The following ERCC8 variants were observed in gnomAD, a reference collection of about 807,000 sequenced individuals.
The protein encoded by ERCC8 is ERCC excision repair 8, CSA ubiquitin ligase complex subunit, also known as DNA excision repair protein ERCC-8.
ERCC8 carries 52 observed loss-of-function variants against 54.9 expected under a neutral mutation model. The observed-to-expected ratio is 0.95, with a 90% CI of 0.76 to 1.19. The LOEUF (loss-of-function observed/expected upper bound fraction) is 1.19. Among genes scored for constraint, ERCC8 ranks in the 50% most tolerant of loss-of-function variants. ERCC8 has a pLI of 0.00. For synonymous variants in ERCC8, 146 were observed against 157.2 expected, an observed-to-expected ratio of 0.93 and a Z score of 0.53; for missense variants, 514 against 466.1, an observed-to-expected ratio of 1.10 and a Z score of -0.95.
intron 1 of ERCC8, among the ~76,000 whole-genome samples, chr5:60,931,291 T>C (rs1749902484): frequency 1.3e-5 from 2 of 152,268 alleles, no homozygotes; most frequent in South Asian, 2.1e-4. Context: ...GCATTTGAAC[T>C]TTAACATTAA....
rs976084541 is a variant in ERCC8, at chr5:60,870,587, G to C, written c.*4028C>G. ...TGAGGCAGGAAAATTGCTTGAACCTGGGAAGCGGAGGTTGCAGTGAGCTGA... is the reference window on the plus strand; with the variant it reads ...TGAGGCAGGAAAATTGCTTGAACCTCGGAAGCGGAGGTTGCAGTGAGCTGA... On this transcript the variant is annotated 3_prime_UTR_variant, in exon 12 of 12. Transcript: ENST00000676185. 3.5e-4 allele frequency among the ~76,000 whole-genome samples: 53 copies of C among 151,164 alleles called. No homozygotes were observed. Among genetic ancestry groups the C allele is most frequent in the Admixed American group, 2.1e-3 (32 of 15,120 alleles).
chr5:60,913,143 A>T (rs549336841), intron 4 of ERCC8, among the ~76,000 whole-genome samples: 88 of 152,078 alleles, frequency 5.8e-4, no homozygotes, highest in African/African-American at 2.0e-3. Flanking sequence ...TTTTCTATTG[A>T]TTGGAATAGT....
chr5:60,914,780 CTT>C (rs1024422351), intron 4 of ERCC8, among the ~76,000 whole-genome samples: 11 of 114,832 alleles, frequency 9.6e-5, no homozygotes, highest in Non-Finnish European at 1.2e-4. Context: ...GGGCAAGACT[CTT>C]GTCTCTTAAA....
chr5:60,883,210 C>T (rs1022999823), intron 11 of ERCC8, among the ~76,000 whole-genome samples: 6 of 152,170 alleles, frequency 3.9e-5, no homozygotes, highest in Non-Finnish European at 8.8e-5. Context: ...AATTATTTCA[C>T]TTTTCAGTGA....
intron 9 of ERCC8, chr5:60,893,343 T>C (rs993918702): frequency 1.5e-5 from 13 of 849,290 alleles, no homozygotes; most frequent in Non-Finnish European, 2.7e-5. Flanking sequence ...TCACAGTAGC[T>C]CTTGATAGAC....
At chr5:60,940,329 G>C (rs1326922661) in intron 1 of ERCC8, among the ~76,000 whole-genome samples, 1 of 152,210 alleles carries the variant, frequency 6.6e-6, no homozygotes. Context: ...CTCTGAGGAA[G>C]GGAAATTGTT....
chr5:60,940,379 A>G (rs158937), intron 1 of ERCC8, among the ~76,000 whole-genome samples: 132,938 of 152,190 alleles, frequency 0.87, 58,350 homozygotes, highest in East Asian at 0.95. Flanking sequence ...GAGGGTAGGG[A>G]CAATCCCTGT....
chr5:60,916,531 G>T (rs1425550656), intron 4 of ERCC8, among the ~76,000 whole-genome samples: 1 of 151,960 alleles, frequency 6.6e-6, no homozygotes, highest in African/African-American at 2.4e-5. Flanking sequence ...TTGGCTACAA[G>T]ATATTCCATT....
intron 11 of ERCC8, among the ~76,000 whole-genome samples, chr5:60,886,075 T>TAC (rs1748383069): frequency 6.6e-6 from 1 of 151,976 alleles, no homozygotes; most frequent in Non-Finnish European, 1.5e-5. Flanking sequence ...TGTATATATA[T>TAC]ACAAACATTG....
chr5:60,921,797 T>C (rs1349683558), intron 3 of ERCC8, among the ~76,000 whole-genome samples: 1 of 151,858 alleles, frequency 6.6e-6, no homozygotes, highest in Non-Finnish European at 1.5e-5. Flanking sequence ...AAGAAGGACA[T>C]AATCACAAGT....
rs1747825942 is a variant in ERCC8 at position 60,869,860 on chromosome 5, G to T, written c.*4755C>A. On this transcript the variant is annotated 3_prime_UTR_variant, in exon 12 of 12. Coordinates refer to ENST00000676185, the MANE Select transcript of ERCC8 (RefSeq NM_000082.4). ...ATGGCCTAAGTATTCTTTGAAATAT[G>T]GCAGAATATAAGTACCTTAGGTGAC... Among the ~76,000 whole-genome samples the T allele has an allele frequency of 6.6e-6, 1 of 152,068 alleles. No individual in the cohort carries two copies. Among genetic ancestry groups the T allele is most frequent in the Admixed American group, 6.6e-5 (1 of 15,252 alleles).
chr5:60,903,999 T>C (rs1179653345), intron 5 of ERCC8, among the ~76,000 whole-genome samples: 1 of 152,100 alleles, frequency 6.6e-6, no homozygotes, highest in Non-Finnish European at 1.5e-5. Flanking sequence ...GAGAACCGTG[T>C]ACCCTTCACT....
At position 60,904,893 on chromosome 5, in the gene ERCC8, TA is replaced by T; in HGVS notation, c.400-21del. 1 of 1,184,694 alleles carries T rather than the reference TA, an allele frequency of 8.4e-7. No individual in the cohort carries two copies. The highest frequency in any genetic ancestry group is 1.3e-6 in the Non-Finnish European group (1 of 789,344). The allele number at this position is 1,184,694 out of a possible 1,614,324, so 73.4% of individuals were successfully genotyped here. On this transcript the variant is annotated intron_variant, in intron 4 of 11. Transcript: ENST00000676185. ...TGCAGTCTGGTAATCAAAAGACATT[TA>T]AAAAGTATAAGGTTTAAGTATAAAA...
In ERCC8 at chr5:60,944,962, A is replaced by G; in HGVS notation, c.47T>C (p.Leu16Pro). 6.2e-7 allele frequency: 1 copy of G among 1,614,130 alleles called. No homozygotes were observed. The highest frequency in any genetic ancestry group is 8.5e-7 in the Non-Finnish European group (1 of 1,179,990). The change falls in exon 1 of 12, where the codon CTT (leucine) becomes CCT (proline). Residue 16 changes from leucine to proline, a missense_variant. Physicochemically the swap from Leu to Pro is moderately conservative, Grantham distance 98. Transcript: ENST00000676185. ...TGTTGACTCTGCTCTCCGAAGGCGA[A>G]GAGGGTCCTCCAAACCCGTTTGGCG... Reference protein sequence around the residue: ...SARQTGLEDPLRLRRAESTRR... With the variant: ...SARQTGLEDPPRLRRAESTRR...
chr5:60,880,912 T>G (rs1044963261), intron 11 of ERCC8, among the ~76,000 whole-genome samples: 1 of 152,238 alleles, frequency 6.6e-6, no homozygotes, highest in African/African-American at 2.4e-5. Flanking sequence ...GGTGAGGAGC[T>G]GCGTTCCTTT....
intron 11 of ERCC8, among the ~76,000 whole-genome samples, chr5:60,884,564 T>C (rs1748342917): frequency 6.7e-6 from 1 of 150,122 alleles, no homozygotes; most frequent in Non-Finnish European, 1.5e-5. Context: ...TACTGCCTCC[T>C]TGGGAAATAA....
intron 6 of ERCC8, 110 bp downstream of exon 6, chr5:60,903,538 G>C: frequency 6.5e-7 from 1 of 1,550,024 alleles, no homozygotes; most frequent in East Asian, 2.3e-5. Context: ...TCAACAACCA[G>C]CACAAAGTAC....
At chr5:60,882,558 T>C (rs1748268240) in intron 11 of ERCC8, among the ~76,000 whole-genome samples, 1 of 152,060 alleles carries the variant, frequency 6.6e-6, no homozygotes, top group Non-Finnish European at 1.5e-5. Context: ...CCGGCGAATT[T>C]TTGTATTTTT....
At chr5:60,929,415 G>A (rs1169467079) in intron 1 of ERCC8, among the ~76,000 whole-genome samples, 2 of 152,026 alleles carry the variant, frequency 1.3e-5, no homozygotes, top group Non-Finnish European at 2.9e-5. Flanking sequence ...AGGCAACATA[G>A]CGAGACCCCA....
Sources: gnomAD v4.1 joint callset for allele counts (sites outside exome capture counted in the v4.1 genomes callset) on GRCh38, gnomAD v4.1.1 for gene constraint, MANE v1.5 for transcripts, NCBI Gene and HGNC (gene_info 2026-07-23, HGNC 2026-07-21) for gene names.